The following GPC5 variants were observed in gnomAD, a reference collection of about 807,000 sequenced individuals.
GPC5 encodes the protein glypican-5.
GPC5 carries 47 observed loss-of-function variants against 53.9 expected under a neutral mutation model. The observed-to-expected ratio is 0.87, with a 90% confidence interval of 0.69 to 1.11. The LOEUF is 1.11. GPC5 is among the 50% of genes most tolerant of loss of function. The pLI, the probability that GPC5 is intolerant of heterozygous loss-of-function variation, is 0.00. For missense variants in GPC5, 748 were observed against 713.1 expected, an observed-to-expected ratio of 1.05 and a Z score of -0.56; for synonymous variants, 286 against 263.3, an observed-to-expected ratio of 1.09 and a Z score of -0.84.
At chr13:92,580,285 G>A (rs1426645005) in intron 7 of GPC5, among the ~76,000 whole-genome samples, 2 of 152,274 alleles carry the variant, frequency 1.3e-5, no homozygotes, top group East Asian at 3.9e-4. Flanking sequence ...GCAAAGACTG[G>A]CAAATGTAAA....
chr13:91,648,960 T>A (rs1175896492), intron 2 of GPC5, among the ~76,000 whole-genome samples: 1 of 152,150 alleles, frequency 6.6e-6, no homozygotes, highest in East Asian at 1.9e-4. Context: ...ATAATCCCCA[T>A]GTGTCATGGG....
intron 7 of GPC5, among the ~76,000 whole-genome samples, chr13:92,155,305 A>T (rs1224106071): frequency 6.6e-6 from 1 of 152,078 alleles, no homozygotes; most frequent in Non-Finnish European, 1.5e-5. Context: ...AGTGGCAAAA[A>T]TTATAATGAT....
chr13:91,496,324 A>G (rs1884261186), intron 2 of GPC5, among the ~76,000 whole-genome samples: 1 of 152,178 alleles, frequency 6.6e-6, no homozygotes, highest in Admixed American at 6.5e-5. Flanking sequence ...AGGTATCTGC[A>G]CTCCTATGTT....
chr13:92,625,844 C>T (rs950013360), intron 7 of GPC5, among the ~76,000 whole-genome samples: 1 of 152,172 alleles, frequency 6.6e-6, no homozygotes, highest in African/African-American at 2.4e-5. Context: ...ATCCTTGAGA[C>T]TCAAAGGTGA....
At chr13:92,190,997 C>T (rs923305614) in intron 7 of GPC5, among the ~76,000 whole-genome samples, 1 of 151,988 alleles carries the variant, frequency 6.6e-6, no homozygotes, top group African/African-American at 2.4e-5. Flanking sequence ...TATAAAAACA[C>T]ATGTAGATTA....
chr13:92,597,015 T>G (rs1883903657), intron 7 of GPC5, among the ~76,000 whole-genome samples: 1 of 152,146 alleles, frequency 6.6e-6, no homozygotes, highest in South Asian at 2.1e-4. Flanking sequence ...TGTTATTAAT[T>G]TCCCCCTCTT....
intron 7 of GPC5, chr13:92,447,006 G>A (rs1877855553): frequency 6.6e-6 from 1 of 151,992 alleles, no homozygotes; most frequent in Non-Finnish European, 1.5e-5. Flanking sequence ...AGAGTTGTTT[G>A]AGGTTCTTAC....
intron 6 of GPC5, among the ~76,000 whole-genome samples, chr13:91,929,632 G>T (rs1032235727): frequency 1.3e-5 from 2 of 151,932 alleles, no homozygotes; most frequent in African/African-American, 2.4e-5. Flanking sequence ...TTATTTGGTG[G>T]TAGATACATC....
rs186432434 is a variant in GPC5 at position 92,785,995 on chromosome 13, C to T, written c.1562-80287C>T. Reference sequence around the variant, plus strand: ...ATTATAGTTTGTACTTTGTCAATTACTCAAAAATCAACCCTTGTCAAAATA... The same window carrying T: ...ATTATAGTTTGTACTTTGTCAATTATTCAAAAATCAACCCTTGTCAAAATA... On this transcript the variant is annotated intron_variant, in intron 7 of 7. Transcript: ENST00000377067. Among the ~76,000 whole-genome samples, 217 of 152,272 alleles carry T rather than the reference C, an allele frequency of 1.4e-3. 1 individual carries two copies. The highest frequency in any genetic ancestry group is 0.011 in the Admixed American group (175 of 15,284).
At chr13:92,018,620 A>G (rs2040729257) in intron 6 of GPC5, among the ~76,000 whole-genome samples, 1 of 152,138 alleles carries the variant, frequency 6.6e-6, no homozygotes, top group African/African-American at 2.4e-5. Context: ...AGTGAAGTTT[A>G]AGAAAAAAGC....
intron 7 of GPC5, among the ~76,000 whole-genome samples, chr13:92,427,675 C>T (rs182235659): frequency 6.2e-4 from 94 of 152,020 alleles, no homozygotes; most frequent in South Asian, 2.9e-3. Flanking sequence ...TTTATTTTTC[C>T]GATGATTCCA....
At chr13:91,435,622 A>G (rs922251569) in intron 1 of GPC5, among the ~76,000 whole-genome samples, 1 of 152,204 alleles carries the variant, frequency 6.6e-6, no homozygotes, top group Non-Finnish European at 1.5e-5. Context: ...ATCGATGTTC[A>G]TCAGGGATAT....
intron 7 of GPC5, among the ~76,000 whole-genome samples, chr13:92,475,915 C>T (rs1450116663): frequency 1.9e-4 from 29 of 152,032 alleles, no homozygotes; most frequent in African/African-American, 3.9e-4. Flanking sequence ...AAGACTTAAA[C>T]GTTAGACCTA....
At chr13:92,597,201 G>GCAAAAGCATATCT (rs1278165822) in intron 7 of GPC5, among the ~76,000 whole-genome samples, 2 of 151,630 alleles carry the variant, frequency 1.3e-5, no homozygotes, top group Non-Finnish European at 2.9e-5. Context: ...ATTCCAAGTT[G>GCAAAAGCATATCT]CAAAAGCATA....
intron 7 of GPC5, among the ~76,000 whole-genome samples, chr13:92,555,961 G>A (rs1882479972): frequency 6.6e-6 from 1 of 151,540 alleles, no homozygotes; most frequent in African/African-American, 2.4e-5. Context: ...TACTATAGGG[G>A]AGAACATGAA....
intron 7 of GPC5, among the ~76,000 whole-genome samples, chr13:92,561,657 C>T (rs1295344348): frequency 6.6e-6 from 1 of 151,992 alleles, no homozygotes; most frequent in Non-Finnish European, 1.5e-5. Context: ...ATCATTAGTA[C>T]CAACCAAGCT....
At chr13:91,689,845 A>G (rs2035718115) in intron 2 of GPC5, among the ~76,000 whole-genome samples, 1 of 152,040 alleles carries the variant, frequency 6.6e-6, no homozygotes, top group Admixed American at 6.6e-5. Flanking sequence ...TTTATGGTTA[A>G]CTTAAAAAAA....
chr13:92,371,184 CCTT>C (rs1320512957), intron 7 of GPC5, among the ~76,000 whole-genome samples: 1 of 152,070 alleles, frequency 6.6e-6, no homozygotes, highest in African/African-American at 2.4e-5. Context: ...AACAAAAAGA[CCTT>C]CTTGTTTTTC....
chr13:91,959,284 C>A (rs993429606), intron 6 of GPC5, among the ~76,000 whole-genome samples: 3 of 151,812 alleles, frequency 2.0e-5, no homozygotes, highest in African/African-American at 7.2e-5. Context: ...ACTATATACT[C>A]ACAAACAGGA....
Sources: gnomAD v4.1 joint callset for allele counts (sites outside exome capture counted in the v4.1 genomes callset) on GRCh38, gnomAD v4.1.1 for gene constraint, MANE v1.5 for transcripts, NCBI Gene and HGNC (gene_info 2026-07-23, HGNC 2026-07-21) for gene names.